Variants in FNBP1L observed in about 807,000 individuals in gnomAD.
FNBP1L encodes formin-binding protein 1-like.
Under a neutral mutation model 91.2 loss-of-function variants are expected in FNBP1L, and 36 were observed. The ratio of observed to expected loss-of-function variants is 0.39; its 90% CI spans 0.30 to 0.52. The LOEUF is 0.52. Among genes scored for constraint, FNBP1L ranks in the 20% least tolerant of loss-of-function variants. The pLI, the probability that FNBP1L is intolerant of heterozygous loss-of-function variation, is 0.66. For missense variants in FNBP1L, 571 were observed against 732.1 expected, an observed-to-expected ratio of 0.78 and a Z score of 2.54; for synonymous variants, 242 against 237.0, an observed-to-expected ratio of 1.02 and a Z score of -0.19.
chr1:93,522,008 T>C (rs980243371), intron 2 of FNBP1L, 74 bp from the exon 3 acceptor site: 2 of 908,628 alleles, frequency 2.2e-6, no homozygotes, highest in East Asian at 3.1e-5. Flanking sequence ...TGAATGAAAT[T>C]GAAAACTTAG....
At chr1:93,507,105 ACACTCTCTCTCTCT>A (rs1557798073) in intron 2 of FNBP1L, among the ~76,000 whole-genome samples, 28 of 48,826 alleles carry the variant, frequency 5.7e-4, no homozygotes, top group African/African-American at 2.5e-3. Flanking sequence ...ACACACACAC[ACACTCTCTCTCTCT>A]CTCTCTCTCT....
At chr1:93,550,858 G>A (rs371407042) in intron 15 of FNBP1L, 89 bp from the exon 16 acceptor site, 34 of 1,219,770 alleles carry the variant, frequency 2.8e-5, no homozygotes, top group Middle Eastern at 5.1e-4. Flanking sequence ...AAATCTAGTA[G>A]GGTTTCATTG....
intron 1 of FNBP1L, among the ~76,000 whole-genome samples, chr1:93,452,427 A>G (rs552724790): frequency 6.6e-6 from 1 of 152,346 alleles, no homozygotes; most frequent in African/African-American, 2.4e-5. Context: ...AAAATGGTAA[A>G]AGGATGGGGA....
chr1:93,496,719 C>T (rs1670273904), intron 1 of FNBP1L, among the ~76,000 whole-genome samples: 2 of 151,756 alleles, frequency 1.3e-5, no homozygotes. Context: ...TTTGTAGAGA[C>T]AGGGTCTTGC....
At chr1:93,498,709 T>A (rs1322815689) in intron 1 of FNBP1L, among the ~76,000 whole-genome samples, 2 of 152,222 alleles carry the variant, frequency 1.3e-5, no homozygotes, top group South Asian at 2.1e-4. Context: ...TGATGGTTTC[T>A]GTGGCAGGAG....
At chr1:93,549,736 G>A (rs1222554796) in intron 15 of FNBP1L, among the ~76,000 whole-genome samples, 4 of 152,142 alleles carry the variant, frequency 2.6e-5, no homozygotes, top group East Asian at 3.9e-4. Context: ...AAACAAAGTC[G>A]AGGCAGCTTG....
At chr1:93,524,968 A>G (rs1374278244) in intron 5 of FNBP1L, among the ~76,000 whole-genome samples, 1 of 151,974 alleles carries the variant, frequency 6.6e-6, no homozygotes, top group Non-Finnish European at 1.5e-5. Flanking sequence ...GGTTTTTCTT[A>G]AATGCTCTCG....
At chr1:93,462,707 T>A (rs1668914825) in intron 1 of FNBP1L, among the ~76,000 whole-genome samples, 1 of 152,150 alleles carries the variant, frequency 6.6e-6, no homozygotes, top group Non-Finnish European at 1.5e-5. Flanking sequence ...CCATATGCCA[T>A]TTGCATTACA....
At chr1:93,551,356 A>G (rs1672408835) in intron 16 of FNBP1L, 7 of 1,148,624 alleles carry the variant, frequency 6.1e-6, no homozygotes, top group Non-Finnish European at 7.5e-6. Flanking sequence ...CTTTTGCTTT[A>G]TGTCCCGCTT....
rs188053200 is a variant in FNBP1L, at chr1:93,513,002, T to G, written c.141-9080T>G. On this transcript the variant is annotated intron_variant, in intron 2 of 16. Coordinates refer to ENST00000271234, the MANE Select transcript of FNBP1L (RefSeq NM_001164473.3). ...TCCAGGAGCTGGTTTTTTGAAAGGA[T>G]CAACAAAATTGACAAACCACTAGCA... 2.9e-4 allele frequency among the ~76,000 whole-genome samples: 44 copies of G among 151,830 alleles called. 1 individual carries two copies. Among genetic ancestry groups the G allele is most frequent in the Non-Finnish European group, 1.9e-4 (13 of 67,940 alleles).
At position 93,482,299 on chromosome 1, in the gene FNBP1L, A is replaced by G. The variant is rs191931579; in HGVS notation, c.25-17169A>G. Among the ~76,000 whole-genome samples the G allele has an allele frequency of 3.9e-5, 6 of 152,296 alleles. No individual in the cohort carries two copies. The East Asian group carries it at 7.7e-4, about 20-fold the overall frequency. ...TCTATGTGTGTACTTTTCTCCTAGT[A>G]TATCTGTTAATTATTACTGTAAACA... is the stretch of plus-strand genomic sequence containing the variant. On this transcript the variant is annotated intron_variant, in intron 1 of 16. Coordinates refer to ENST00000271234, the MANE Select transcript of FNBP1L (RefSeq NM_001164473.3).
At chr1:93,541,152 A>G (rs1672030703) in intron 11 of FNBP1L, 96 bp downstream of exon 11, 28 of 1,175,014 alleles carry the variant, frequency 2.4e-5, no homozygotes, top group Middle Eastern at 3.8e-4. Context: ...ATTACATCCC[A>G]CGTTTTCACC....
Position 93,536,381 on chromosome 1 carries a change from C to T in FNBP1L, c.1040C>T (p.Pro347Leu). 6.4e-7 allele frequency: 1 copy of T among 1,550,706 alleles called. No individual in the cohort carries two copies. The highest frequency in any genetic ancestry group is 8.7e-7 in the Non-Finnish European group (1 of 1,146,274). Residue 347 changes from proline to leucine, a missense_variant, in exon 10 of 17, where the codon CCT becomes CTT. Coordinates refer to ENST00000271234, the MANE Select transcript of FNBP1L (RefSeq NM_001164473.3). ...ACTAGTTTATTCACATCCAGTACTC[C>T]TAATGGGTCCCAGTTTCTCACATTC... is the stretch of plus-strand genomic sequence containing the variant. ...TPTSLFTSST[P>L]NGSQFLTFSI...
At chr1:93,500,539 G>A (rs1670411516) in intron 2 of FNBP1L, among the ~76,000 whole-genome samples, 1 of 149,624 alleles carries the variant, frequency 6.7e-6, no homozygotes, top group African/African-American at 2.6e-5. Context: ...CCTGCACCAA[G>A]CTTCTTTTCT....
intron 2 of FNBP1L, among the ~76,000 whole-genome samples, chr1:93,504,947 CTA>C: frequency 6.6e-6 from 1 of 151,982 alleles, no homozygotes; most frequent in African/African-American, 2.4e-5. Flanking sequence ...TGTAGTTTAT[CTA>C]TTTTTATTTT....
intron 5 of FNBP1L, among the ~76,000 whole-genome samples, chr1:93,528,267 G>T (rs958178169): frequency 6.6e-6 from 1 of 152,070 alleles, no homozygotes; most frequent in African/African-American, 2.4e-5. Flanking sequence ...TTGAAATTTC[G>T]AACACTTTGG....
At chr1:93,476,563 GGTAA>G (rs1389157051) in intron 1 of FNBP1L, among the ~76,000 whole-genome samples, 1 of 151,954 alleles carries the variant, frequency 6.6e-6, no homozygotes, top group Non-Finnish European at 1.5e-5. Context: ...TGCATAGAGG[GGTAA>G]GTAAGTAAAA....
chr1:93,459,940 G>GGTGTGTGTGT (rs1557773915), intron 1 of FNBP1L, among the ~76,000 whole-genome samples: 35 of 54,830 alleles, frequency 6.4e-4, no homozygotes, highest in South Asian at 1.6e-3. Flanking sequence ...TTGGATTTCA[G>GGTGTGTGTGT]ATGTGTGTGT....
At position 93,487,597 on chromosome 1, in the gene FNBP1L, T is replaced by C. The variant is rs149090585; in HGVS notation, c.25-11871T>C. Among the ~76,000 whole-genome samples, 3 of 152,266 alleles carry C rather than the reference T, an allele frequency of 2.0e-5. No individual in the cohort carries two copies. In the East Asian group the frequency reaches 5.8e-4, roughly 29 times the overall value. On this transcript the variant is annotated intron_variant, in intron 1 of 16. Transcript: ENST00000271234. ...AAATTCAGAAAAAGAGAAAATCATATAAGGGAATGAGGCTCCTTAGAAGAC... is the reference window on the plus strand; with the variant it reads ...AAATTCAGAAAAAGAGAAAATCATACAAGGGAATGAGGCTCCTTAGAAGAC...
Sources: allele counts gnomAD v4.1 joint callset (sites outside exome capture counted in the v4.1 genomes callset), GRCh38; gene constraint gnomAD v4.1.1; transcripts MANE v1.5; gene names NCBI Gene and HGNC (gene_info 2026-07-23, HGNC 2026-07-21).